The following GNA11 variants were observed in gnomAD, a reference collection of about 807,000 sequenced individuals.
GNA11 encodes G protein subunit alpha 11.
GNA11 carries 8 observed loss-of-function variants against 38.2 expected under a neutral mutation model. The ratio of observed to expected loss-of-function variants is 0.21; its 90% CI spans 0.12 to 0.38. The LOEUF (loss-of-function observed/expected upper bound fraction) is 0.38. Among genes scored for constraint, GNA11 ranks in the 10% least tolerant of loss-of-function variants. GNA11 has a pLI of 1.00. For missense variants in GNA11, 268 were observed against 516.3 expected, an observed-to-expected ratio of 0.52 and a Z score of 4.66; for synonymous variants, 211 against 221.4, an observed-to-expected ratio of 0.95 and a Z score of 0.42.
Position 3,119,938 on chromosome 19 carries a change from T to C in GNA11, c.889+579T>C, listed in dbSNP as rs1914025026. The stretch of plus-strand genomic sequence containing the variant: ...TGTCAGGGCAGCTGAGCACTGAGGG[T>C]CTTCACATGCCCAGCCCTCTCTGGG... On this transcript the variant is annotated intron_variant, in intron 6 of 6. Coordinates refer to ENST00000078429, the MANE Select transcript of GNA11 (RefSeq NM_002067.5). This position sits in a 1 kb window ranked among gnomAD's most constrained non-coding sequence, Gnocchi z 4.6. Among the ~76,000 whole-genome samples the C allele has an allele frequency of 6.6e-6, 1 of 150,674 alleles. No homozygotes were observed. The highest frequency in any genetic ancestry group is 2.4e-5 in the African/African-American group (1 of 40,822).
At chr19:3,115,405 G>A (rs576913511) in intron 4 of GNA11, 14 of 249,280 alleles carry the variant, frequency 5.6e-5, no homozygotes, top group East Asian at 3.0e-4. Flanking sequence ...ACCCTGTTTC[G>A]TCTTATTAAA....
intron 2 of GNA11, among the ~76,000 whole-genome samples, chr19:3,112,895 G>A (rs1364010568): frequency 4.6e-5 from 7 of 152,378 alleles, no homozygotes; most frequent in African/African-American, 7.2e-5. Flanking sequence ...CCTGCCTCCC[G>A]GTGTGTCTGG....
rs1180738052 is a variant in GNA11 at position 3,118,942 on chromosome 19, C to T, written c.624C>T (p.Gly208=). 8 of 1,613,582 alleles carry T rather than the reference C, an allele frequency of 5.0e-6. No individual in the cohort carries two copies. Among genetic ancestry groups the T allele is most frequent in the South Asian group, 1.1e-5 (1 of 91,078 alleles). The change falls in exon 5 of 7, where the codon GGC becomes GGT. Residue 208 remains glycine, a synonymous_variant. Coordinates refer to ENST00000078429, the MANE Select transcript of GNA11 (RefSeq NM_002067.5). ...NIIFRMVDVG[G]QRSERRKWIH... is the part of the protein sequence containing the mutation. ...CTTTCAGGATGGTGGATGTGGGGGG[C>T]CAGCGGTCGGAGCGGAGGAAGTGGA...
intron 1 of GNA11, among the ~76,000 whole-genome samples, chr19:3,101,016 C>T (rs559856774): frequency 2.5e-4 from 38 of 152,240 alleles, no homozygotes; most frequent in African/African-American, 7.9e-4. Flanking sequence ...CCAGGAGGGA[C>T]GGTGCTGGCC....
Position 3,110,908 on chromosome 19 carries a change from A to T in GNA11, c.321+575A>T, listed in dbSNP as rs2145316287. 1.3e-5 allele frequency among the ~76,000 whole-genome samples: 2 copies of T among 152,160 alleles called. No individual in the cohort carries two copies. Among genetic ancestry groups the T allele is most frequent in the Admixed American group, 1.3e-4 (2 of 15,288 alleles). ...GGACCTTCTGGGCTCAGGTGATCCCACCACAGCCTCCCGGGTAGCTGGGAC... is the reference window on the plus strand; with the variant it reads ...GGACCTTCTGGGCTCAGGTGATCCCTCCACAGCCTCCCGGGTAGCTGGGAC... On this transcript the variant is annotated intron_variant, in intron 2 of 6. Coordinates refer to ENST00000078429, the MANE Select transcript of GNA11 (RefSeq NM_002067.5). The surrounding 1 kb of genome is among the most constrained non-coding windows in gnomAD (Gnocchi z 5.4).
chr19:3,118,660 C>T (rs921298917), intron 4 of GNA11: 3 of 423,722 alleles, frequency 7.1e-6, no homozygotes, highest in Admixed American at 7.7e-5. Flanking sequence ...TGGGTTCTCA[C>T]ACCCCCACAC....
In GNA11 at chr19:3,108,100, C is replaced by T. The variant is rs1274296495; in HGVS notation, c.137-2049C>T. On this transcript the variant is annotated intron_variant, in intron 1 of 6. Coordinates refer to ENST00000078429, the MANE Select transcript of GNA11 (RefSeq NM_002067.5). This position sits in a 1 kb window ranked among gnomAD's most constrained non-coding sequence, Gnocchi z 4.5. ...GGGAGAGGCAGCTGCCACCGGGGCTCCCCACTCGGGATGTGTTGGGTGTTT... is the reference window on the plus strand; with the variant it reads ...GGGAGAGGCAGCTGCCACCGGGGCTTCCCACTCGGGATGTGTTGGGTGTTT... Among the ~76,000 whole-genome samples the T allele has an allele frequency of 6.6e-6, 1 of 152,182 alleles. No homozygotes were observed. The highest frequency in any genetic ancestry group is 1.5e-5 in the Non-Finnish European group (1 of 68,030).
At chr19:3,100,983 G>A (rs181645765) in intron 1 of GNA11, among the ~76,000 whole-genome samples, 2 of 152,276 alleles carry the variant, frequency 1.3e-5, no homozygotes, top group African/African-American at 4.8e-5. Flanking sequence ...CGTCCACATG[G>A]GGACCCCAAG....
At chr19:3,105,528 T>C (rs955044988) in intron 1 of GNA11, among the ~76,000 whole-genome samples, 1 of 152,012 alleles carries the variant, frequency 6.6e-6, no homozygotes, top group African/African-American at 2.4e-5. Flanking sequence ...GCGGACGGGA[T>C]CCCTCCTGGA....
At chr19:3,103,762 G>A (rs1467632849) in intron 1 of GNA11, among the ~76,000 whole-genome samples, 1 of 150,882 alleles carries the variant, frequency 6.6e-6, no homozygotes. Flanking sequence ...GGAGTGCAGT[G>A]GCACGATCTC....
chr19:3,103,519 C>CTTTTTTTTTTTTTTTTTTTTTTTTTTT (rs760497682), intron 1 of GNA11, among the ~76,000 whole-genome samples: 1 of 45,800 alleles, frequency 2.2e-5, no homozygotes, highest in Non-Finnish European at 4.0e-5. Flanking sequence ...GGCCTTGAAT[C>CTTTTTTTTTTTTTTTTTTTTTTTTTTT]TTTTTTTTTT....
intron 3 of GNA11, among the ~76,000 whole-genome samples, chr19:3,114,314 A>G (rs1913852477): frequency 6.6e-6 from 1 of 152,146 alleles, no homozygotes; most frequent in Non-Finnish European, 1.5e-5. Context: ...AGGACTGCCC[A>G]GGGCGTCAAA....
At chr19:3,111,922 G>A (rs1186378880) in intron 2 of GNA11, among the ~76,000 whole-genome samples, 2 of 152,212 alleles carry the variant, frequency 1.3e-5, no homozygotes, top group Admixed American at 6.5e-5. Context: ...CCTGTCTCCC[G>A]CTGTGATCTC....
chr19:3,113,450 A>G lies in GNA11; in HGVS notation c.442A>G (p.Arg148Gly), dbSNP rs1261353288. The G allele has an allele frequency of 6.2e-7, 1 of 1,611,326 alleles. No individual in the cohort carries two copies. Among genetic ancestry groups the G allele is most frequent in the East Asian group, 2.2e-5 (1 of 44,786 alleles). Residue 148 changes from arginine (R) to glycine (G), a missense_variant, in exon 3 of 7, where the codon AGG becomes GGG. Arg to Gly is a moderately radical substitution (Grantham distance 125, BLOSUM62 -2). This residue lies in a region of GNA11 where 151 missense variants were observed against 254.0 expected (regional missense o/e 0.59). Transcript: ENST00000078429. Reference sequence around the variant, plus strand: ...GGGCATCCAGGAATGCTACGACCGCAGGCGCGAGTACCAGCTCTCCGACTC... The same window carrying G: ...GGGCATCCAGGAATGCTACGACCGCGGGCGCGAGTACCAGCTCTCCGACTC... ...DPGIQECYDR[R>G]REYQLSDSAK...
intron 1 of GNA11, among the ~76,000 whole-genome samples, chr19:3,102,947 A>C (rs1418921658): frequency 6.6e-6 from 1 of 152,222 alleles, no homozygotes; most frequent in Non-Finnish European, 1.5e-5. Flanking sequence ...GGTCATGTGT[A>C]TCCCCCAGGT....
chr19:3,099,242 C>CAG (rs3831630), intron 1 of GNA11, among the ~76,000 whole-genome samples: 72,897 of 151,674 alleles, frequency 0.48, 17,731 homozygotes, highest in Non-Finnish European at 0.53. Context: ...ACCCTGTAGA[C>CAG]AGCTGGGACC....
chr19:3,094,910 C>A lies in GNA11; in HGVS notation c.136+123C>A. On this transcript the variant is annotated intron_variant, in intron 1 of 6. Transcript: ENST00000078429. The surrounding 1 kb of genome is among the most constrained non-coding windows in gnomAD (Gnocchi z 6.0). Reference sequence around the variant, plus strand: ...GCCTGTGCCGTCCGGGTCGCGAGACCCTCCGGGGTCAGCCCTGCCTGTGCC... The same window carrying A: ...GCCTGTGCCGTCCGGGTCGCGAGACACTCCGGGGTCAGCCCTGCCTGTGCC... 1.6e-6 allele frequency: 1 copy of A among 616,140 alleles called. No homozygotes were observed. The highest frequency in any genetic ancestry group is 2.0e-5 in the African/African-American group (1 of 49,592). 38.2% of individuals were successfully genotyped at this position (616,140 alleles called of 1,614,324 possible).
intron 1 of GNA11, among the ~76,000 whole-genome samples, chr19:3,098,653 G>T (rs1913430491): frequency 6.6e-6 from 1 of 152,238 alleles, no homozygotes; most frequent in Non-Finnish European, 1.5e-5. Flanking sequence ...CAGTGACAAG[G>T]CCCGGGATCC....
chr19:3,103,737 T>G (rs1401750323), intron 1 of GNA11, among the ~76,000 whole-genome samples: 1 of 150,996 alleles, frequency 6.6e-6, no homozygotes, highest in Non-Finnish European at 1.5e-5. Flanking sequence ...AGAGTCTTGC[T>G]CTGTCGCCTA....
Sources: allele counts gnomAD v4.1 joint callset (sites outside exome capture counted in the v4.1 genomes callset), GRCh38; gene constraint gnomAD v4.1.1; regional missense constraint gnomAD v4.1.1; non-coding constraint Gnocchi (gnomAD v3.1); transcripts MANE v1.5; gene names NCBI Gene and HGNC (gene_info 2026-07-23, HGNC 2026-07-21).